The following ATP8A1 variants were observed in gnomAD, a reference collection of about 807,000 sequenced individuals.
The protein encoded by ATP8A1 is phospholipid-transporting ATPase IA.
Under a neutral mutation model 177.7 loss-of-function variants are expected in ATP8A1, and 90 were observed. That is an observed-to-expected ratio of 0.51 (90% CI 0.43 to 0.60). ATP8A1 has a LOEUF of 0.60. Ranked by LOEUF, ATP8A1 falls within the 20% of genes least tolerant of loss-of-function variation. The pLI is 0.00. For missense variants in ATP8A1, 1,072 were observed against 1,392.8 expected, an observed-to-expected ratio of 0.77 and a Z score of 3.67; for synonymous variants, 493 against 485.9, an observed-to-expected ratio of 1.01 and a Z score of -0.19.
At chr4:42,471,344 G>C (rs2153185161) in intron 25 of ATP8A1, among the ~76,000 whole-genome samples, 1 of 152,262 alleles carries the variant, frequency 6.6e-6, no homozygotes, top group South Asian at 2.1e-4. Context: ...TATAGAGACT[G>C]AGTCTACAGA....
Position 42,454,289 on chromosome 4 carries a change from G to A in ATP8A1, c.2817+1008C>T, listed in dbSNP as rs573621662. Among the ~76,000 whole-genome samples the A allele has an allele frequency of 7.2e-5, 11 of 152,246 alleles. No homozygotes were observed. The South Asian group carries it at 2.3e-3, about 32-fold the overall frequency. On this transcript the variant is annotated intron_variant, in intron 29 of 36. Coordinates refer to ENST00000381668, the MANE Select transcript of ATP8A1 (RefSeq NM_006095.2). ...TGAGGTTAGAGGCACCAAAACACCT[G>A]TTTCACTTTATTCTCTTGGCATATG...
At chr4:42,509,615 C>T (rs376611421) in intron 22 of ATP8A1, among the ~76,000 whole-genome samples, 2 of 152,146 alleles carry the variant, frequency 1.3e-5, no homozygotes, top group East Asian at 1.9e-4. Flanking sequence ...AATCCCAACA[C>T]TTTGGGAGGC....
intron 4 of ATP8A1, among the ~76,000 whole-genome samples, chr4:42,621,140 A>G (rs536838273): frequency 5.9e-5 from 9 of 152,346 alleles, no homozygotes; most frequent in Middle Eastern, 3.4e-3. Flanking sequence ...ATGTGGAGCA[A>G]TGCAGGTAGG....
At chr4:42,494,789 C>A (rs1723098415) in intron 24 of ATP8A1, among the ~76,000 whole-genome samples, 1 of 152,120 alleles carries the variant, frequency 6.6e-6, no homozygotes, top group Admixed American at 6.5e-5. Context: ...CTGTATAGTT[C>A]TGCATAGGTG....
intron 1 of ATP8A1, among the ~76,000 whole-genome samples, chr4:42,636,572 C>T (rs1739416674): frequency 6.6e-6 from 1 of 152,118 alleles, no homozygotes; most frequent in Admixed American, 6.5e-5. Context: ...TTTAGCAATA[C>T]CTCTCAAATT....
chr4:42,569,844 C>T (rs986107699), intron 14 of ATP8A1, among the ~76,000 whole-genome samples: 1 of 152,130 alleles, frequency 6.6e-6, no homozygotes, highest in African/African-American at 2.4e-5. Context: ...TAATTTCATC[C>T]ATTCGCTCAT....
chr4:42,589,976 TCAA>T (rs1733999192), intron 7 of ATP8A1, among the ~76,000 whole-genome samples: 1 of 152,108 alleles, frequency 6.6e-6, no homozygotes, highest in African/African-American at 2.4e-5. Flanking sequence ...CAGAACATTC[TCAA>T]CAATCACTTA....
chr4:42,499,647 G>A (rs1372232465), intron 24 of ATP8A1, among the ~76,000 whole-genome samples: 6 of 152,186 alleles, frequency 3.9e-5, no homozygotes, highest in Non-Finnish European at 2.9e-5. Flanking sequence ...CCCACAAGAG[G>A]AAACTTAGAC....
intron 29 of ATP8A1, among the ~76,000 whole-genome samples, chr4:42,454,403 T>G (rs963671427): frequency 1.3e-5 from 2 of 152,228 alleles, no homozygotes; most frequent in Non-Finnish European, 2.9e-5. Flanking sequence ...GAGTTAAGGT[T>G]ACATCTAATT....
chr4:42,427,608 A>T (rs1456184452), intron 33 of ATP8A1, among the ~76,000 whole-genome samples: 2 of 152,250 alleles, frequency 1.3e-5, no homozygotes, highest in Non-Finnish European at 2.9e-5. Flanking sequence ...TATTCCTTTT[A>T]ATTCGATAAT....
At chr4:42,640,706 TC>T (rs1739885154) in intron 1 of ATP8A1, among the ~76,000 whole-genome samples, 1 of 152,156 alleles carries the variant, frequency 6.6e-6, no homozygotes, top group Non-Finnish European at 1.5e-5. Context: ...TCTTTGGCCA[TC>T]CCTGCCTGTG....
chr4:42,501,957 G>A (rs1723894481), intron 24 of ATP8A1, among the ~76,000 whole-genome samples: 1 of 152,112 alleles, frequency 6.6e-6, no homozygotes, highest in African/African-American at 2.4e-5. Flanking sequence ...TCTTTAAACT[G>A]CTACTCGAAC....
At chr4:42,459,118 C>T (rs1007167572) in intron 27 of ATP8A1, among the ~76,000 whole-genome samples, 1 of 152,172 alleles carries the variant, frequency 6.6e-6, no homozygotes, top group Non-Finnish European at 1.5e-5. Flanking sequence ...TTTCCACAAA[C>T]TCTTGAGAAA....
At chr4:42,440,287 A>G (rs1485107373) in intron 33 of ATP8A1, among the ~76,000 whole-genome samples, 2 of 151,316 alleles carry the variant, frequency 1.3e-5, no homozygotes. Flanking sequence ...AGAGTCCTAC[A>G]GCGAAAATAT....
chr4:42,601,199 C>A (rs1046740070), intron 5 of ATP8A1, among the ~76,000 whole-genome samples: 1 of 151,862 alleles, frequency 6.6e-6, no homozygotes, highest in African/African-American at 2.4e-5. Flanking sequence ...CCATGTGTGG[C>A]TAATTTTTGT....
rs577426646 is a variant in ATP8A1, at chr4:42,614,169, AT to A, written c.409+1863del. Among the ~76,000 whole-genome samples the A allele has an allele frequency of 2.7e-4, 40 of 150,372 alleles. No individual in the cohort carries two copies. The South Asian group carries it at 5.5e-3, about 21-fold the overall frequency. ...ATTTTATCTGAATGGTAGGCAAGGAATTTTTTTTTTGGAGGTAAGTACGTAC... is the reference window on the plus strand; with the variant it reads ...ATTTTATCTGAATGGTAGGCAAGGAATTTTTTTTTGGAGGTAAGTACGTAC... On this transcript the variant is annotated intron_variant, in intron 5 of 36. Coordinates refer to ENST00000381668, the MANE Select transcript of ATP8A1 (RefSeq NM_006095.2).
chr4:42,523,148 C>T (rs752117287), intron 21 of ATP8A1, among the ~76,000 whole-genome samples: 1 of 152,140 alleles, frequency 6.6e-6, no homozygotes, highest in Middle Eastern at 3.2e-3. Flanking sequence ...AGATATACCC[C>T]GGGAAAACAA....
intron 16 of ATP8A1, among the ~76,000 whole-genome samples, chr4:42,554,432 C>T (rs1467270008): frequency 6.6e-6 from 1 of 152,054 alleles, no homozygotes; most frequent in Non-Finnish European, 1.5e-5. Flanking sequence ...GCTGAGAATC[C>T]AAGAGGGAAG....
intron 30 of ATP8A1, among the ~76,000 whole-genome samples, chr4:42,447,222 C>T (rs1342528140): frequency 6.6e-6 from 1 of 152,120 alleles, no homozygotes; most frequent in Non-Finnish European, 1.5e-5. Flanking sequence ...CTTACTTTGT[C>T]ATCCAGGTTG....
Sources: gnomAD v4.1 joint callset for allele counts (sites outside exome capture counted in the v4.1 genomes callset) on GRCh38, gnomAD v4.1.1 for gene constraint, MANE v1.5 for transcripts, NCBI Gene and HGNC (gene_info 2026-07-23, HGNC 2026-07-21) for gene names.